The following RUSC2 variants were observed in gnomAD, a reference collection of about 807,000 sequenced individuals.
RUSC2 encodes the protein AP-4 complex accessory subunit RUSC2.
In RUSC2, 34 loss-of-function variants were observed where a neutral mutation model predicts 122.2. That is an observed-to-expected ratio of 0.28 (90% CI 0.21 to 0.37). The LOEUF (loss-of-function observed/expected upper bound fraction) is 0.37. Ranked by LOEUF, RUSC2 falls within the 10% of genes least tolerant of loss-of-function variation. The pLI, the probability that RUSC2 is intolerant of heterozygous loss-of-function variation, is 1.00. For missense variants in RUSC2, 1,747 were observed against 1,952.4 expected, an observed-to-expected ratio of 0.89 and a Z score of 1.98; for synonymous variants, 784 against 790.0, an observed-to-expected ratio of 0.99 and a Z score of 0.13.
intron 1 of RUSC2, among the ~76,000 whole-genome samples, chr9:35,532,405 G>A (rs994420217): frequency 6.6e-6 from 1 of 152,206 alleles, no homozygotes; most frequent in Non-Finnish European, 1.5e-5. Context: ...ATTAAACAAC[G>A]AAGAAAGAAT....
intron 1 of RUSC2, among the ~76,000 whole-genome samples, chr9:35,518,002 C>T (rs1821141752): frequency 6.6e-6 from 1 of 152,124 alleles, no homozygotes; most frequent in African/African-American, 2.4e-5. Flanking sequence ...GGAGGAAAAC[C>T]CAAGAATGAA....
Position 35,555,917 on chromosome 9 carries a change from A to G in RUSC2, c.2657-35A>G, listed in dbSNP as rs754034377. The G allele has an allele frequency of 1.2e-5, 19 of 1,601,502 alleles. No individual in the cohort carries two copies. The highest frequency in any genetic ancestry group is 1.6e-5 in the Non-Finnish European group (19 of 1,171,712). ...AACTCTGTCTCGCTGTCTCCTGCCA[A>G]CTCTTGTCTTTCTGCTAATCTGTTC... is the stretch of plus-strand genomic sequence containing the variant. On this transcript the variant is annotated intron_variant, in intron 3 of 11. Transcript: ENST00000361226. This position sits in a 1 kb window ranked among gnomAD's most constrained non-coding sequence, Gnocchi z 4.6.
At chr9:35,493,775 T>C (rs547063961) in intron 1 of RUSC2, among the ~76,000 whole-genome samples, 58 of 152,286 alleles carry the variant, frequency 3.8e-4, no homozygotes, top group African/African-American at 1.3e-3. Context: ...AGTGCTGGGA[T>C]TACAGGTGTG....
intron 1 of RUSC2, among the ~76,000 whole-genome samples, chr9:35,512,717 G>A (rs971995238): frequency 2.6e-5 from 4 of 152,050 alleles, no homozygotes; most frequent in Non-Finnish European, 4.4e-5. Flanking sequence ...TTTCTGTTTT[G>A]TTTTGTTTTT....
intron 1 of RUSC2, among the ~76,000 whole-genome samples, chr9:35,514,898 A>C (rs1292057018): frequency 6.6e-6 from 1 of 152,218 alleles, no homozygotes; most frequent in Non-Finnish European, 1.5e-5. Flanking sequence ...CACCCTGTTC[A>C]TCATAAAGAG....
At chr9:35,537,477 C>CTCA (rs1821553764) in intron 1 of RUSC2, among the ~76,000 whole-genome samples, 1 of 152,164 alleles carries the variant, frequency 6.6e-6, no homozygotes, top group African/African-American at 2.4e-5. Flanking sequence ...CCTTCCTTTC[C>CTCA]TCACTGTTTC....
At chr9:35,559,887 T>G in intron 9 of RUSC2, 142 bp from the exon 10 acceptor site, 1 of 702,448 alleles carries the variant, frequency 1.4e-6, no homozygotes. Flanking sequence ...GGCAGCAGCG[T>G]TTATACTTAG....
At position 35,558,582 on chromosome 9, in the gene RUSC2, C is replaced by G. The variant is rs758892512; in HGVS notation, c.3341+15C>G. 1 of 1,600,822 alleles carries G rather than the reference C, an allele frequency of 6.2e-7. No individual in the cohort carries two copies. The highest frequency in any genetic ancestry group is 1.7e-5 in the Admixed American group (1 of 60,010). On this transcript the variant is annotated intron_variant, in intron 8 of 11. Coordinates refer to ENST00000361226, the MANE Select transcript of RUSC2 (RefSeq NM_014806.5). This position sits in a 1 kb window ranked among gnomAD's most constrained non-coding sequence, Gnocchi z 4.3. Reference sequence around the variant, plus strand: ...GGCCTGCTCAAGTGAGTGCACAGAGCAGCAAGATCCCCTAAACAACTTGCC... The same window carrying G: ...GGCCTGCTCAAGTGAGTGCACAGAGGAGCAAGATCCCCTAAACAACTTGCC...
intron 1 of RUSC2, among the ~76,000 whole-genome samples, chr9:35,522,502 T>C (rs1247698212): frequency 6.6e-6 from 1 of 152,224 alleles, no homozygotes; most frequent in East Asian, 1.9e-4. Context: ...CCTGAAACTT[T>C]CTTTTTGCTG....
chr9:35,492,654 A>T (rs1042509662), intron 1 of RUSC2, among the ~76,000 whole-genome samples: 1 of 146,212 alleles, frequency 6.8e-6, no homozygotes, highest in Non-Finnish European at 1.5e-5. Flanking sequence ...GTGCTGTACC[A>T]TATTTACTCT....
chr9:35,509,972 T>C (rs1159567577), intron 1 of RUSC2, among the ~76,000 whole-genome samples: 1 of 152,218 alleles, frequency 6.6e-6, no homozygotes, highest in Non-Finnish European at 1.5e-5. Context: ...CTTAGCTCTT[T>C]ACATTGACCA....
intron 1 of RUSC2, among the ~76,000 whole-genome samples, chr9:35,516,961 CTTAAT>C (rs1020689108): frequency 1.3e-5 from 2 of 152,092 alleles, no homozygotes; most frequent in Middle Eastern, 3.2e-3. Context: ...TGTTAATTAG[CTTAAT>C]TTAATTATTC....
intron 1 of RUSC2, among the ~76,000 whole-genome samples, chr9:35,540,342 A>G (rs892333223): frequency 5.3e-5 from 8 of 152,222 alleles, no homozygotes; most frequent in Admixed American, 6.5e-5. Flanking sequence ...ACTGTAGCCT[A>G]AGCAACAAAG....
chr9:35,510,861 GTTCTTA>G (rs1010731712), intron 1 of RUSC2, among the ~76,000 whole-genome samples: 3 of 152,208 alleles, frequency 2.0e-5, no homozygotes, highest in Non-Finnish European at 4.4e-5. Context: ...CAAAGGGCTT[GTTCTTA>G]TTCTGAGATT....
At chr9:35,559,192 C>G (rs761997605) in intron 8 of RUSC2, 34 bp from the exon 9 acceptor site, 1 of 1,584,616 alleles carries the variant, frequency 6.3e-7, no homozygotes, top group South Asian at 1.1e-5. Context: ...TGTATTCACA[C>G]AAGACTCAAC....
chr9:35,522,923 A>G (rs1029876212), intron 1 of RUSC2, among the ~76,000 whole-genome samples: 3 of 152,342 alleles, frequency 2.0e-5, no homozygotes, highest in African/African-American at 4.8e-5. Flanking sequence ...TATGATTTCA[A>G]TCCACCTCTG....
Position 35,547,413 on chromosome 9 carries a change from A to AATC in RUSC2, c.893_895dup (p.Asn298_Leu299insHis). On this transcript the variant is annotated inframe_insertion, in exon 2 of 12. Coordinates refer to ENST00000361226, the MANE Select transcript of RUSC2 (RefSeq NM_014806.5). This position sits in a 1 kb window ranked among gnomAD's most constrained non-coding sequence, Gnocchi z 4.6. ...CAAGATGCATGGCACCCCCCGTGCCAATCTCAACTCTGCCCCACAGTCCTG... is the reference window on the plus strand; with the variant it reads ...CAAGATGCATGGCACCCCCCGTGCCAATCATCTCAACTCTGCCCCACAGTCCTG... 6.2e-7 allele frequency: 1 copy of AATC among 1,614,150 alleles called. No individual in the cohort carries two copies. The highest frequency in any genetic ancestry group is 8.5e-7 in the Non-Finnish European group (1 of 1,180,030).
At chr9:35,516,071 G>C (rs1821101291) in intron 1 of RUSC2, among the ~76,000 whole-genome samples, 2 of 145,854 alleles carry the variant, frequency 1.4e-5, no homozygotes, top group Admixed American at 1.4e-4. Flanking sequence ...TAACATAGTA[G>C]ATAATAAATA....
At position 35,547,484 on chromosome 9, in the gene RUSC2, T is replaced by C. The variant is rs2132553005; in HGVS notation, c.963T>C (p.Tyr321=). 6.2e-7 allele frequency: 1 copy of C among 1,614,194 alleles called. No individual in the cohort carries two copies. The highest frequency in any genetic ancestry group is 8.5e-7 in the Non-Finnish European group (1 of 1,180,038). The stretch of plus-strand genomic sequence containing the variant: ...GCCACTCAGACCCTGGCGCCTTCTA[T>C]CTGGATCTGCAGCCCTCCCCATTTG... ...FCSHSDPGAF[Y]LDLQPSPFES... The change falls in exon 2 of 12, where the codon TAT becomes TAC. Residue 321 remains tyrosine (Y), a synonymous_variant. Transcript: ENST00000361226. This position sits in a 1 kb window ranked among gnomAD's most constrained non-coding sequence, Gnocchi z 4.6.
Sources: allele counts gnomAD v4.1 joint callset (sites outside exome capture counted in the v4.1 genomes callset), GRCh38; gene constraint gnomAD v4.1.1; non-coding constraint Gnocchi (gnomAD v3.1); transcripts MANE v1.5; gene names NCBI Gene and HGNC (gene_info 2026-07-23, HGNC 2026-07-21).